The following C12orf50 variants were observed in gnomAD, a reference collection of about 807,000 sequenced individuals.
C12orf50 encodes the protein zinc finger CCCH-type containing 11D, also known as uncharacterized protein C12orf50.
C12orf50 carries 35 observed loss-of-function variants against 61.6 expected under a neutral mutation model. The ratio of observed to expected loss-of-function variants is 0.57; its 90% CI spans 0.43 to 0.75. The LOEUF is 0.75. C12orf50 is among the 30% of genes least tolerant of loss of function. The pLI is 0.00. For missense variants in C12orf50, 475 were observed against 488.5 expected, an observed-to-expected ratio of 0.97 and a Z score of 0.26; for synonymous variants, 178 against 161.5, an observed-to-expected ratio of 1.10 and a Z score of -0.77.
intron 11 of C12orf50, 43 bp downstream of exon 11, chr12:87,985,807 C>A (rs758117626): frequency 1.3e-6 from 2 of 1,596,708 alleles, no homozygotes; most frequent in African/African-American, 1.3e-5. Flanking sequence ...CATGGGAATG[C>A]AAACCACAGA....
chr12:87,984,546 A>ATG (rs2030703103), intron 11 of C12orf50: 1 of 152,304 alleles, frequency 6.6e-6, no homozygotes, highest in South Asian at 2.1e-4. Context: ...AATTGGTGTG[A>ATG]TGCAATACCG....
intron 7 of C12orf50, among the ~76,000 whole-genome samples, chr12:87,994,361 G>GAC (rs35200222): frequency 0.028 from 4,266 of 150,250 alleles, 96 homozygotes; most frequent in Non-Finnish European, 0.039. Context: ...CCTACACACA[G>GAC]ACACACACAC....
intron 12 of C12orf50, among the ~76,000 whole-genome samples, chr12:87,982,611 C>G (rs564441242): frequency 6.6e-6 from 1 of 152,206 alleles, no homozygotes; most frequent in South Asian, 2.1e-4. Flanking sequence ...TTCCAAGGAA[C>G]CCCAGTCTCC....
At chr12:87,982,220 C>A (rs946243703) in intron 12 of C12orf50, among the ~76,000 whole-genome samples, 5 of 152,024 alleles carry the variant, frequency 3.3e-5, no homozygotes, top group Admixed American at 6.6e-5. Context: ...TCCCCACCCC[C>A]CAAATTCAGT....
At chr12:87,983,713 C>T (rs1323585595) in intron 11 of C12orf50, 2 of 150,368 alleles carry the variant, frequency 1.3e-5, no homozygotes, top group Non-Finnish European at 3.0e-5. Context: ...CTACAAAGGA[C>T]ATGAACTCAT....
chr12:88,009,826 T>C (rs2032029637), intron 3 of C12orf50, among the ~76,000 whole-genome samples: 1 of 152,162 alleles, frequency 6.6e-6, no homozygotes, highest in Non-Finnish European at 1.5e-5. Flanking sequence ...TTTTTACTTT[T>C]TTATGGTGTT....
intron 11 of C12orf50, chr12:87,983,970 C>A (rs2030664981): frequency 8.0e-6 from 1 of 125,684 alleles, no homozygotes; most frequent in Admixed American, 8.7e-5. Flanking sequence ...GCCACACTGA[C>A]TTCCACAATG....
chr12:87,986,465 C>T, intron 9 of C12orf50, 49 bp from the exon 10 acceptor site: 2 of 1,305,680 alleles, frequency 1.5e-6, no homozygotes, highest in African/African-American at 1.5e-5. Flanking sequence ...GCTTTCATCT[C>T]TGAAATTACT....
intron 7 of C12orf50, 94 bp from the exon 8 acceptor site, chr12:87,989,465 T>G: frequency 1.2e-6 from 1 of 805,480 alleles, no homozygotes; most frequent in Non-Finnish European, 2.0e-6. Context: ...ACCCCTTTTG[T>G]TCACCTTTCT....
chr12:88,012,996 A>G (rs1445985797), intron 3 of C12orf50, among the ~76,000 whole-genome samples: 6 of 152,184 alleles, frequency 3.9e-5, no homozygotes, highest in African/African-American at 1.2e-4. Context: ...CCCAGGAGGA[A>G]AAGGAAGCAG....
chr12:87,985,633 T>G (rs2030769554), intron 11 of C12orf50: 3 of 583,924 alleles, frequency 5.1e-6, no homozygotes, highest in Middle Eastern at 9.1e-4. Flanking sequence ...AGGTGCAATC[T>G]GAAGTCATCT....
At chr12:87,989,203 G>T in intron 8 of C12orf50, 61 bp downstream of exon 8, 1 of 1,168,258 alleles carries the variant, frequency 8.6e-7, no homozygotes, top group Non-Finnish European at 1.2e-6. Context: ...TAACAAGCAA[G>T]CTTGTCTTTA....
chr12:87,996,296 C>T, intron 6 of C12orf50, 78 bp downstream of exon 6: 7 of 1,000,492 alleles, frequency 7.0e-6, no homozygotes, highest in Non-Finnish European at 1.1e-5. Context: ...TTCTTCTGTA[C>T]ATCATACTAA....
intron 3 of C12orf50, among the ~76,000 whole-genome samples, chr12:87,999,961 A>G (rs2031584171): frequency 6.6e-6 from 1 of 152,132 alleles, no homozygotes; most frequent in Admixed American, 6.6e-5. Flanking sequence ...TTTATACAAA[A>G]TATCAAAAAT....
intron 3 of C12orf50, among the ~76,000 whole-genome samples, chr12:88,011,445 G>A (rs1265569769): frequency 1.3e-5 from 2 of 152,088 alleles, no homozygotes; most frequent in Non-Finnish European, 2.9e-5. Context: ...CTCACTCTTT[G>A]CCAAGAATTC....
chr12:88,005,038 A>G (rs1754019918), intron 3 of C12orf50, among the ~76,000 whole-genome samples: 1 of 152,166 alleles, frequency 6.6e-6, no homozygotes, highest in Admixed American at 6.5e-5. Flanking sequence ...CCTGAAGTCA[A>G]AATAAAAGTT....
chr12:88,015,310 C>A (rs1224028749), intron 3 of C12orf50, among the ~76,000 whole-genome samples: 5 of 152,078 alleles, frequency 3.3e-5, no homozygotes, highest in African/African-American at 1.2e-4. Context: ...TAGCAAGTGG[C>A]TTTTCAAAAC....
At chr12:88,022,854 G>A (rs1243038692) in intron 3 of C12orf50, among the ~76,000 whole-genome samples, 2 of 152,124 alleles carry the variant, frequency 1.3e-5, no homozygotes, top group African/African-American at 4.8e-5. Context: ...AGAAAGCAGA[G>A]ATGATGCAAA....
intron 3 of C12orf50, among the ~76,000 whole-genome samples, chr12:88,017,311 A>C (rs1336673332): frequency 3.3e-5 from 5 of 152,196 alleles, no homozygotes; most frequent in Non-Finnish European, 7.4e-5. Flanking sequence ...GTTTCCCTAC[A>C]CAAGCTCTCT....
Sources: allele counts gnomAD v4.1 joint callset (sites outside exome capture counted in the v4.1 genomes callset), GRCh38; gene constraint gnomAD v4.1.1; transcripts MANE v1.5; gene names NCBI Gene and HGNC (gene_info 2026-07-23, HGNC 2026-07-21).